AMOTL2: variants seen among roughly 807,000 people sequenced by gnomAD.
AMOTL2 encodes angiomotin like 2, also known as angiomotin-like protein 2.
AMOTL2 carries 33 observed loss-of-function variants against 78.4 expected under a neutral mutation model. The observed-to-expected ratio is 0.42, with a 90% CI of 0.32 to 0.56. The LOEUF is 0.56. Among genes scored for constraint, AMOTL2 ranks in the 20% least tolerant of loss-of-function variants. The probability of loss-of-function intolerance (pLI) is 0.12; values close to 1 mark genes in which losing one functional copy is unlikely to be tolerated. For missense variants in AMOTL2, 983 were observed against 1,030.1 expected, an observed-to-expected ratio of 0.95 and a Z score of 0.63; for synonymous variants, 422 against 428.8, an observed-to-expected ratio of 0.98 and a Z score of 0.20.
At chr3:134,359,596 C>CA (rs1298623523) in intron 7 of AMOTL2, 93 bp from the exon 8 acceptor site, 1 of 999,792 alleles carries the variant, frequency 1.0e-6, no homozygotes. Context: ...GAAAAGCCCC[C>CA]CCCAACTCCC....
Position 134,359,434 on chromosome 3 carries a change from C to T in AMOTL2, c.1953G>A (p.Arg651=), listed in dbSNP as rs768509607. ...CCTGGATGGCCTTGCCAGGGTCTCT[C>T]CTGGAGCGCTGCTGAAGGACCTTGA... ...AVIKVLQQRS[R]RDPGKAIQGS... is the part of the protein sequence containing the mutation. Residue 651 remains arginine, a synonymous_variant, in exon 8 of 10, where the codon AGG becomes AGA. Coordinates refer to ENST00000249883, the MANE Select transcript of AMOTL2 (RefSeq NM_016201.4). The T allele has an allele frequency of 3.1e-6, 5 of 1,614,174 alleles. No homozygotes were observed. The highest frequency in any genetic ancestry group is 1.7e-5 in the Admixed American group (1 of 60,020).
chr3:134,371,622 G>A (rs765201402), intron 1 of AMOTL2, 128 bp from the exon 2 acceptor site: 45 of 1,405,970 alleles, frequency 3.2e-5, no homozygotes, highest in Middle Eastern at 2.6e-4. Context: ...GGGGTGGGGC[G>A]GTTCACACAA....
Position 134,366,331 on chromosome 3 carries a change from T to A in AMOTL2, c.1138A>T (p.Met380Leu). ...TGCAGCCTCCTCATTTCACTGTCCATCTTGTTCCGCATGGTCTTCTCCAGG... is the reference window on the plus strand; with the variant it reads ...TGCAGCCTCCTCATTTCACTGTCCAACTTGTTCCGCATGGTCTTCTCCAGG... The part of the protein sequence containing the change: ...EALEKTMRNK[M>L]DSEMRRLQDF... Residue 380 changes from methionine to leucine, a missense_variant, in exon 4 of 10, where the codon ATG (methionine) becomes TTG (leucine). Transcript: ENST00000249883. 6.2e-7 allele frequency: 1 copy of A among 1,614,164 alleles called. No homozygotes were observed. The highest frequency in any genetic ancestry group is 8.5e-7 in the Non-Finnish European group (1 of 1,180,032).
intron 7 of AMOTL2, 64 bp from the exon 8 acceptor site, chr3:134,359,567 T>A: frequency 7.2e-7 from 1 of 1,381,776 alleles, no homozygotes; most frequent in Non-Finnish European, 1.0e-6. Flanking sequence ...CCACCCTTCC[T>A]GCCTCATAGG....
chr3:134,371,236 C>T lies in AMOTL2; in HGVS notation c.198G>A (p.Leu66=), dbSNP rs769672799. The change falls in exon 2 of 10, where the codon CTG becomes CTA. Residue 66 remains leucine (L), a synonymous_variant. Transcript: ENST00000249883. The part of the protein sequence containing the change: ...EILAPEDSQV[L]QQATRQEPQG... ...GGGGCTCCTGCCTGGTGGCCTGCTG[C>T]AGCACCTGACTGTCCTCTGGGGCCA... The T allele has an allele frequency of 4.3e-6, 7 of 1,613,210 alleles. No individual in the cohort carries two copies. Among genetic ancestry groups the T allele is most frequent in the African/African-American group, 1.3e-5 (1 of 74,908 alleles).
chr3:134,361,996 A>C (rs1417808192), intron 5 of AMOTL2, among the ~76,000 whole-genome samples, 189 bp from the exon 6 acceptor site: 2 of 152,252 alleles, frequency 1.3e-5, no homozygotes, highest in East Asian at 3.8e-4. Flanking sequence ...AGTCAGGAGT[A>C]AATGACAGAG....
At chr3:134,372,546 CACACACACACAA>C (rs1361447228) in intron 1 of AMOTL2, among the ~76,000 whole-genome samples, 1 of 151,658 alleles carries the variant, frequency 6.6e-6, no homozygotes, top group East Asian at 1.9e-4. Flanking sequence ...CACACACACA[CACACACACACAA>C]ACACACACAC....
intron 4 of AMOTL2, 113 bp downstream of exon 4, chr3:134,366,169 TG>T: frequency 7.0e-7 from 1 of 1,423,112 alleles, no homozygotes. Flanking sequence ...CCTGGCTCTC[TG>T]AGTTCATCTG....
In AMOTL2 at chr3:134,370,897, G is replaced by A. The variant is rs774040793; in HGVS notation, c.537C>T (p.Ser179=). The part of the protein sequence containing the change: ...RNGARAPSHM[S]SSHSFPQLAR... The stretch of plus-strand genomic sequence containing the variant: ...CCAGCTGTGGGAAGCTGTGGGAGGA[G>A]CTCATGTGGCTGGGGGCCCGGGCGC... The change falls in exon 2 of 10, where the codon AGC becomes AGT. Residue 179 remains serine (S), a synonymous_variant. Transcript: ENST00000249883. 85 of 1,612,296 alleles carry A rather than the reference G, an allele frequency of 5.3e-5. No individual in the cohort carries two copies. The highest frequency in any genetic ancestry group is 6.9e-5 in the Non-Finnish European group (81 of 1,179,356).
chr3:134,361,722 G>C lies in AMOTL2; in HGVS notation c.1365C>G (p.Ala455=), dbSNP rs777388355. 4.4e-6 allele frequency: 7 copies of C among 1,608,278 alleles called. No individual in the cohort carries two copies. Among genetic ancestry groups the C allele is most frequent in the Non-Finnish European group, 5.9e-6 (7 of 1,177,866 alleles). The part of the protein sequence containing the change: ...RGAIEDQRRR[A]ELLEQALGNA... Reference sequence around the variant, plus strand: ...TGCCCAGAGCCTGCTCCAGCAGCTCGGCACGCCGCCGCTGGTCCTCGATGG... The same window carrying C: ...TGCCCAGAGCCTGCTCCAGCAGCTCCGCACGCCGCCGCTGGTCCTCGATGG... The change falls in exon 6 of 10, where the codon GCC becomes GCG. Residue 455 remains alanine (A), a synonymous_variant. Coordinates refer to ENST00000249883, the MANE Select transcript of AMOTL2 (RefSeq NM_016201.4).
rs564717577 is a variant in AMOTL2, at chr3:134,362,782, A to G, written c.1280-975T>C. On this transcript the variant is annotated intron_variant, in intron 5 of 9. Transcript: ENST00000249883. ...CATCTGATGTTCTAGCCTTAAATCC[A>G]CCTCCCAGGCACCTGCCCCTTGAGA... 1.2e-4 allele frequency among the ~76,000 whole-genome samples: 18 copies of G among 151,620 alleles called. No individual in the cohort carries two copies. The South Asian group carries it at 3.8e-3, about 32-fold the overall frequency.
rs1320542356 is a variant in AMOTL2 at position 134,371,501 on chromosome 3, T to C, written c.-61-7A>G. On this transcript the variant is annotated splice_region_variant and splice_polypyrimidine_tract_variant and intron_variant, in intron 1 of 9. Transcript: ENST00000249883. ...GCACCTGGCCCCAGAGCACCTGGAG[T>C]GGGGTGGGGAGAGAGAGAGAGAAAA... 1.9e-6 allele frequency: 3 copies of C among 1,583,006 alleles called. No homozygotes were observed. In the African/African-American group the frequency reaches 4.1e-5, roughly 21 times the overall value.
intron 1 of AMOTL2, 180 bp downstream of exon 1, chr3:134,374,162 C>T (rs1250646425): frequency 6.8e-6 from 6 of 878,628 alleles, no homozygotes; most frequent in Non-Finnish European, 8.2e-6. Flanking sequence ...GCTCCCTGGG[C>T]AGAGCGGCCC....
rs981214554 is a variant in AMOTL2, at chr3:134,356,926, A to G, written c.*779T>C. The G allele has an allele frequency of 3.9e-5, 6 of 152,768 alleles. No homozygotes were observed. Among genetic ancestry groups the G allele is most frequent in the Admixed American group, 1.3e-4 (2 of 15,290 alleles). The allele number at this position is 152,768 out of a possible 1,614,324, so 9.5% of individuals were successfully genotyped here. On this transcript the variant is annotated 3_prime_UTR_variant, in exon 10 of 10. Transcript: ENST00000249883. ...GCAGCTTTAACATCCACGGGCCAGG[A>G]ACTTGAGGAGGAGGCATAACTGGGA...
upstream of AMOTL2, chr3:134,374,637 G>A (rs1040263967): frequency 5.1e-6 from 5 of 983,824 alleles, no homozygotes; most frequent in Non-Finnish European, 6.0e-6. Flanking sequence ...TTCCTCCGGG[G>A]AGGCGGCGCT....
Position 134,361,645 on chromosome 3 carries a change from G to T in AMOTL2, c.1442C>A (p.Ala481Asp). The T allele has an allele frequency of 6.2e-7, 1 of 1,612,788 alleles. No individual in the cohort carries two copies. The highest frequency in any genetic ancestry group is 8.5e-7 in the Non-Finnish European group (1 of 1,179,976). Reference sequence around the variant, plus strand: ...CAGCCGCTCCACTTTCTCCACATAGGCCTGCTTCTTGCGCAGCTCCTCTTC... The same window carrying T: ...CAGCCGCTCCACTTTCTCCACATAGTCCTGCTTCTTGCGCAGCTCCTCTTC... ...RAEEELRKKQ[A>D]YVEKVERLQQ... Residue 481 changes from alanine (A) to aspartate (D), a missense_variant, in exon 6 of 10, where the codon GCC becomes GAC. Physicochemically the swap from Ala to Asp is moderately radical, Grantham distance 126 (BLOSUM62 -2). Coordinates refer to ENST00000249883, the MANE Select transcript of AMOTL2 (RefSeq NM_016201.4).
intron 1 of AMOTL2, chr3:134,373,726 G>A (rs958083322): frequency 2.2e-5 from 22 of 985,350 alleles, no homozygotes; most frequent in Middle Eastern, 5.2e-4. Context: ...GGGCGAGCCG[G>A]TGAGGGTAGC....
chr3:134,367,423 G>GGACT (rs2017655972), intron 3 of AMOTL2, 74 bp downstream of exon 3: 2 of 1,545,454 alleles, frequency 1.3e-6, no homozygotes, highest in African/African-American at 2.8e-5. Flanking sequence ...GCCTCTCCTT[G>GGACT]GACTACCCAC....
Position 134,359,350 on chromosome 3 carries a change from G to A in AMOTL2, c.2037C>T (p.Thr679=). The change falls in exon 8 of 10, where the codon ACC becomes ACT. Residue 679 remains threonine (T), a synonymous_variant. Transcript: ENST00000249883. The stretch of plus-strand genomic sequence containing the variant: ...TAGAAGAGAGCCCTTGCCAGCCCTG[G>A]GTTCCTGCTGCCGCAGCCGCGAAAA... ...PSVFAAAAAG[T]QGWQGLSSSE... 1 of 1,614,196 alleles carries A rather than the reference G, an allele frequency of 6.2e-7. No homozygotes were observed. The highest frequency in any genetic ancestry group is 8.5e-7 in the Non-Finnish European group (1 of 1,180,038).
Sources: gnomAD v4.1 joint callset for allele counts (sites outside exome capture counted in the v4.1 genomes callset) on GRCh38, gnomAD v4.1.1 for gene constraint, MANE v1.5 for transcripts, NCBI Gene and HGNC (gene_info 2026-07-23, HGNC 2026-07-21) for gene names.